Variants in CDH13 observed in about 807,000 individuals in gnomAD.
The protein encoded by CDH13 is cadherin-13.
CDH13 carries 24 observed loss-of-function variants against 63.8 expected under a neutral mutation model. The observed-to-expected ratio is 0.38, with a 90% CI of 0.27 to 0.53. The LOEUF is 0.53. CDH13 is among the 20% of genes least tolerant of loss of function. The pLI, the probability that CDH13 is intolerant of heterozygous loss-of-function variation, is 0.85. For synonymous variants in CDH13, 503 were observed against 355.3 expected, an observed-to-expected ratio of 1.42 and a Z score of -4.67; for missense variants, 1,049 against 903.1, an observed-to-expected ratio of 1.16 and a Z score of -2.07.
intron 5 of CDH13, among the ~76,000 whole-genome samples, chr16:83,316,887 G>A (rs957391626): frequency 6.6e-6 from 1 of 152,182 alleles, no homozygotes; most frequent in African/African-American, 2.4e-5. Flanking sequence ...GCTGGGCTGG[G>A]CTGGGCTGGG....
At chr16:83,333,919 G>C (rs1247015123) in intron 5 of CDH13, among the ~76,000 whole-genome samples, 2 of 152,158 alleles carry the variant, frequency 1.3e-5, no homozygotes, top group East Asian at 3.9e-4. Flanking sequence ...TTACCACACA[G>C]TGACTCAAAA....
chr16:82,815,734 C>T (rs931937939), intron 1 of CDH13, among the ~76,000 whole-genome samples: 1 of 152,156 alleles, frequency 6.6e-6, no homozygotes, highest in African/African-American at 2.4e-5. Context: ...TAGACTATCA[C>T]TTTGTTGGCC....
rs1303269698 is a variant in CDH13, at chr16:83,748,234, C to A, written c.1665C>A (p.Phe555Leu). The A allele has an allele frequency of 1.2e-6, 2 of 1,609,614 alleles. No individual in the cohort carries two copies. Among genetic ancestry groups the A allele is most frequent in the South Asian group, 2.2e-5 (2 of 90,782 alleles). Residue 555 changes from phenylalanine to leucine, a missense_variant, in exon 11 of 14, where the codon TTC becomes TTA. By Grantham distance (22) the Phe-to-Leu change is conservative (BLOSUM62 0). Coordinates refer to ENST00000567109, the MANE Select transcript of CDH13 (RefSeq NM_001257.5). ...ACAACAGCGTGTACACTGCTCTCTT[C>A]CTGGCAATTGACAGTGGTGAGTACT... ...FVDNSVYTALFLAIDSGNPPA... is the reference protein window; with the variant it reads ...FVDNSVYTALLLAIDSGNPPA...
At chr16:83,415,906 C>G (rs182474704) in intron 6 of CDH13, among the ~76,000 whole-genome samples, 1 of 151,950 alleles carries the variant, frequency 6.6e-6, no homozygotes. Flanking sequence ...CTCACAGGAG[C>G]AAGTAGGCAA....
intron 1 of CDH13, among the ~76,000 whole-genome samples, chr16:82,665,157 T>C (rs1912438456): frequency 6.6e-6 from 1 of 152,234 alleles, no homozygotes; most frequent in Admixed American, 6.5e-5. Flanking sequence ...ATCCTTTTCA[T>C]GAACCATTTA....
chr16:83,071,098 T>A (rs1330273928), intron 3 of CDH13, among the ~76,000 whole-genome samples: 2 of 152,070 alleles, frequency 1.3e-5, no homozygotes, highest in African/African-American at 4.8e-5. Flanking sequence ...TTACTGTGAT[T>A]TATTGATCAT....
At chr16:83,561,711 G>T (rs1392378099) in intron 7 of CDH13, among the ~76,000 whole-genome samples, 1 of 152,160 alleles carries the variant, frequency 6.6e-6, no homozygotes, top group Non-Finnish European at 1.5e-5. Context: ...GATGAATTTT[G>T]AGAGATAATG....
intron 6 of CDH13, among the ~76,000 whole-genome samples, chr16:83,443,720 AAAAAAAAAAAAAAAAATATAT>A (rs1183620456): frequency 5.7e-4 from 53 of 92,282 alleles, no homozygotes; most frequent in African/African-American, 2.5e-3. Flanking sequence ...AAAAAAAAAA[AAAAAAAAAAAAAAAAATATAT>A]ATATATATAT....
intron 5 of CDH13, among the ~76,000 whole-genome samples, chr16:83,233,007 C>T (rs1401982112): frequency 1.3e-5 from 2 of 152,186 alleles, no homozygotes; most frequent in Admixed American, 1.3e-4. Flanking sequence ...CAGTCTGGGA[C>T]AGGCTCCCCA....
intron 5 of CDH13, among the ~76,000 whole-genome samples, chr16:83,268,600 T>G (rs1203064537): frequency 6.6e-6 from 1 of 152,234 alleles, no homozygotes; most frequent in East Asian, 1.9e-4. Context: ...TACGTTTTTT[T>G]GACAGCACAA....
intron 1 of CDH13, among the ~76,000 whole-genome samples, chr16:82,788,563 A>T (rs1275513389): frequency 6.6e-6 from 1 of 152,196 alleles, no homozygotes; most frequent in Non-Finnish European, 1.5e-5. Flanking sequence ...TAACCGGAGG[A>T]ACACTTACAT....
chr16:82,975,788 T>G (rs1909418067), intron 2 of CDH13, among the ~76,000 whole-genome samples: 1 of 152,216 alleles, frequency 6.6e-6, no homozygotes, highest in African/African-American at 2.4e-5. Flanking sequence ...TATATATTAT[T>G]TTCAAGGAGA....
intron 1 of CDH13, among the ~76,000 whole-genome samples, chr16:82,747,368 T>A (rs2034223411): frequency 6.6e-6 from 1 of 152,198 alleles, no homozygotes; most frequent in South Asian, 2.1e-4. Flanking sequence ...AAGTTTGAGG[T>A]GTGTTTATTC....
chr16:83,291,565 TGC>T (rs889397341), intron 5 of CDH13, among the ~76,000 whole-genome samples: 3 of 151,266 alleles, frequency 2.0e-5, no homozygotes, highest in Non-Finnish European at 4.4e-5. Context: ...GTTAACCCTA[TGC>T]AAAAATAATC....
intron 6 of CDH13, among the ~76,000 whole-genome samples, chr16:83,407,021 C>G (rs1327286454): frequency 1.3e-5 from 2 of 152,206 alleles, no homozygotes; most frequent in African/African-American, 4.8e-5. Flanking sequence ...CTGATGAAAG[C>G]TGAATTTTCT....
intron 3 of CDH13, among the ~76,000 whole-genome samples, chr16:83,083,314 A>G (rs1016043003): frequency 1.6e-4 from 25 of 152,340 alleles, no homozygotes; most frequent in African/African-American, 5.8e-4. Context: ...GACAATTTAC[A>G]TAACTCTATA....
At chr16:82,957,669 T>C (rs1906327041) in intron 2 of CDH13, among the ~76,000 whole-genome samples, 1 of 152,238 alleles carries the variant, frequency 6.6e-6, no homozygotes, top group African/African-American at 2.4e-5. Flanking sequence ...GGATGCATAA[T>C]CACTTATTAT....
chr16:83,239,047 C>T (rs9938754), intron 5 of CDH13, among the ~76,000 whole-genome samples: 150,860 of 152,302 alleles, frequency 0.99, 74,736 homozygotes, highest in Middle Eastern at 1. Context: ...TCTCCATGGG[C>T]GCTTAAGAAG....
chr16:83,527,261 A>C (rs926333699), intron 7 of CDH13, among the ~76,000 whole-genome samples: 5 of 152,092 alleles, frequency 3.3e-5, no homozygotes, highest in Admixed American at 3.3e-4. Flanking sequence ...CATCCTAGCC[A>C]ACACGGTGAA....
Sources: gnomAD v4.1 joint callset for allele counts (sites outside exome capture counted in the v4.1 genomes callset) on GRCh38, gnomAD v4.1.1 for gene constraint, MANE v1.5 for transcripts, NCBI Gene and HGNC (gene_info 2026-07-23, HGNC 2026-07-21) for gene names.